PARVB: variants seen among roughly 807,000 people sequenced by gnomAD.
PARVB encodes beta-parvin.
In PARVB, 46 loss-of-function variants were observed where a neutral mutation model predicts 47.0. That is an observed-to-expected ratio of 0.98 (90% CI 0.77 to 1.25). PARVB has a LOEUF of 1.25. PARVB is among the 50% of genes most tolerant of loss of function. The probability of loss-of-function intolerance (pLI) is 0.00; values close to 1 mark genes in which losing one functional copy is unlikely to be tolerated. For synonymous variants in PARVB, 196 were observed against 196.3 expected, an observed-to-expected ratio of 1.00 and a Z score of 0.01; for missense variants, 473 against 471.6, an observed-to-expected ratio of 1.00 and a Z score of -0.03.
At chr22:44,036,029 G>A (rs1368730017) in intron 1 of PARVB, among the ~76,000 whole-genome samples, 1 of 152,134 alleles carries the variant, frequency 6.6e-6, no homozygotes, top group Non-Finnish European at 1.5e-5. Flanking sequence ...AGGCCGAGGC[G>A]GGCGGATCAC....
chr22:44,048,884 T>C (rs1356776677), intron 1 of PARVB, among the ~76,000 whole-genome samples: 2 of 152,134 alleles, frequency 1.3e-5, no homozygotes, highest in African/African-American at 2.4e-5. Flanking sequence ...TAGGTGGGAT[T>C]TCATCATGTT....
rs2051169748 is a variant in PARVB, at chr22:44,049,479, C to T, written c.112+25028C>T. Among the ~76,000 whole-genome samples, 1 of 152,198 alleles carries T rather than the reference C, an allele frequency of 6.6e-6. No individual in the cohort carries two copies. Among genetic ancestry groups the T allele is most frequent in the African/African-American group, 2.4e-5 (1 of 41,456 alleles). On this transcript the variant is annotated intron_variant, in intron 1 of 12. Transcript: ENST00000338758. This position sits in a 1 kb window ranked among gnomAD's most constrained non-coding sequence, Gnocchi z 4.0. Reference sequence around the variant, plus strand: ...AATTTGGATTTGCTCCACTCTTTTTCACGGGCATAAAAATATCTGCGGAGT... The same window carrying T: ...AATTTGGATTTGCTCCACTCTTTTTTACGGGCATAAAAATATCTGCGGAGT...
chr22:44,046,561 C>T (rs16991369), intron 1 of PARVB, among the ~76,000 whole-genome samples: 3,893 of 152,328 alleles, frequency 0.026, 119 homozygotes, highest in East Asian at 0.097. Flanking sequence ...GTTTGATAGA[C>T]GCCTGGGTCT....
At chr22:44,104,545 CTG>C (rs1844934544) in intron 3 of PARVB, 1 of 152,462 alleles carries the variant, frequency 6.6e-6, no homozygotes, top group African/African-American at 2.4e-5. Context: ...AGGGGGCTCT[CTG>C]TGCGTCCAGG....
chr22:44,146,285 A>T (rs1353247397), intron 8 of PARVB: 2 of 128,492 alleles, frequency 1.6e-5, no homozygotes, highest in South Asian at 2.7e-4. Flanking sequence ...ACATGTTCAC[A>T]CACAACCTCA....
Position 44,157,969 on chromosome 22 carries a change from T to G in PARVB, c.844-13T>G. On this transcript the variant is annotated splice_polypyrimidine_tract_variant and intron_variant, in intron 10 of 12. Transcript: ENST00000338758. ...TTACCCTGCCCGGAAACATCACAAG[T>G]CTTTCTCTGCAGTTTGCAGATGGCG... 1 of 1,598,592 alleles carries G rather than the reference T, an allele frequency of 6.3e-7. No individual in the cohort carries two copies.
rs2053310664 is a variant in PARVB, at chr22:44,131,253, TGCCTC to T, written c.377-233_377-229del. On this transcript the variant is annotated intron_variant, in intron 4 of 12. Transcript: ENST00000338758. Reference sequence around the variant, plus strand: ...ACCTCCCGGGTTCAAGCACTTCTCCTGCCTCAGCCTCCCGAGTAGCTGGGATTACA... The same window carrying T: ...ACCTCCCGGGTTCAAGCACTTCTCCTAGCCTCCCGAGTAGCTGGGATTACA... 2.6e-5 allele frequency among the ~76,000 whole-genome samples: 4 copies of T among 151,682 alleles called. No individual in the cohort carries two copies. The South Asian group carries it at 8.4e-4, about 32-fold the overall frequency.
At chr22:44,149,861 CAT>C (rs34558455) in intron 9 of PARVB, 12,900 of 152,282 alleles carry the variant, frequency 0.085, 791 homozygotes, top group South Asian at 0.28. Context: ...GGTAAGAAAT[CAT>C]ATCATGGGCA....
rs930094634 is a variant in PARVB, at chr22:44,068,193, T to C, written c.113-25735T>C. Reference sequence around the variant, plus strand: ...CCACAGGGAGTTGGGGGACTGGTAATTGGAATAAATAAAAGCTAATCGTGC... The same window carrying C: ...CCACAGGGAGTTGGGGGACTGGTAACTGGAATAAATAAAAGCTAATCGTGC... On this transcript the variant is annotated intron_variant, in intron 1 of 12. Transcript: ENST00000338758. This position sits in a 1 kb window ranked among gnomAD's most constrained non-coding sequence, Gnocchi z 4.1. Among the ~76,000 whole-genome samples, 3 of 152,092 alleles carry C rather than the reference T, an allele frequency of 2.0e-5. No homozygotes were observed. The highest frequency in any genetic ancestry group is 4.4e-5 in the Non-Finnish European group (3 of 68,002).
chr22:44,091,697 C>G (rs1185723500), intron 1 of PARVB, among the ~76,000 whole-genome samples: 1 of 152,212 alleles, frequency 6.6e-6, no homozygotes, highest in Non-Finnish European at 1.5e-5. Context: ...TATACGTGGA[C>G]TACCTTTTGC....
chr22:44,029,250 G>A (rs2050782669), intron 1 of PARVB, among the ~76,000 whole-genome samples: 1 of 152,150 alleles, frequency 6.6e-6, no homozygotes, highest in African/African-American at 2.4e-5. Context: ...CTCCCAAAGT[G>A]CTAGGATTAC....
Position 44,042,686 on chromosome 22 carries a change from G to A in PARVB, c.112+18235G>A, listed in dbSNP as rs150856476. 6.6e-4 allele frequency among the ~76,000 whole-genome samples: 101 copies of A among 152,336 alleles called. 1 individual carries two copies. The East Asian group carries it at 0.019, about 28-fold the overall frequency. On this transcript the variant is annotated intron_variant, in intron 1 of 12. Coordinates refer to ENST00000338758, the MANE Select transcript of PARVB (RefSeq NM_013327.5). ...AATGATTTGAAATTTTGTTGGAGCA[G>A]CGCAGGGAGAATTTCAATCTTAACT... is the stretch of plus-strand genomic sequence containing the variant.
chr22:44,080,842 G>C (rs559728223), intron 1 of PARVB, among the ~76,000 whole-genome samples: 11 of 152,334 alleles, frequency 7.2e-5, no homozygotes, highest in African/African-American at 2.2e-4. Flanking sequence ...GTCATGTTGG[G>C]AGCAGGGGAG....
chr22:44,072,019 T>C (rs130313), intron 1 of PARVB, among the ~76,000 whole-genome samples: 122,658 of 151,770 alleles, frequency 0.81, 49,686 homozygotes, highest in East Asian at 0.89. Flanking sequence ...CAGTGGGATC[T>C]GAGACCATGA....
intron 4 of PARVB, among the ~76,000 whole-genome samples, chr22:44,123,322 T>A (rs938809655): frequency 1.3e-5 from 2 of 152,170 alleles, no homozygotes; most frequent in African/African-American, 4.8e-5. Context: ...GGTAACACGC[T>A]GATCGGGGAG....
upstream of PARVB, among the ~76,000 whole-genome samples, chr22:44,022,978 C>T (rs1459029919): frequency 6.6e-6 from 1 of 151,884 alleles, no homozygotes; most frequent in East Asian, 2.0e-4. Flanking sequence ...AACTCTTGAC[C>T]TCAGGTGATC....
At chr22:44,051,858 A>G (rs2051214617) in intron 1 of PARVB, among the ~76,000 whole-genome samples, 1 of 152,068 alleles carries the variant, frequency 6.6e-6, no homozygotes, top group African/African-American at 2.4e-5. Flanking sequence ...TGGGGCCTTT[A>G]TGGGGAGAGG....
intron 2 of PARVB, among the ~76,000 whole-genome samples, chr22:44,003,282 C>A (rs2050430991): frequency 6.6e-6 from 1 of 152,174 alleles, no homozygotes; most frequent in African/African-American, 2.4e-5. Context: ...ATTATCATAG[C>A]CAGAAATTAC....
At chr22:44,099,081 T>C (rs2052378782) in intron 2 of PARVB, among the ~76,000 whole-genome samples, 1 of 152,178 alleles carries the variant, frequency 6.6e-6, no homozygotes, top group Non-Finnish European at 1.5e-5. Flanking sequence ...CCATCTCCAC[T>C]TGTATGTCCT....
Sources: gnomAD v4.1 joint callset for allele counts (sites outside exome capture counted in the v4.1 genomes callset) on GRCh38, gnomAD v4.1.1 for gene constraint, Gnocchi (gnomAD v3.1) non-coding constraint, MANE v1.5 for transcripts, NCBI Gene and HGNC (gene_info 2026-07-23, HGNC 2026-07-21) for gene names.